PGBD5: variants seen among roughly 807,000 people sequenced by gnomAD.
The protein encoded by PGBD5 is piggyBac transposable element derived 5, also known as piggyBac transposable element-derived protein 5.
PGBD5 carries 14 observed loss-of-function variants against 47.9 expected under a neutral mutation model. That is an observed-to-expected ratio of 0.29 (90% CI 0.19 to 0.46). The LOEUF is 0.46. Ranked by LOEUF, PGBD5 falls within the 20% of genes least tolerant of loss-of-function variation. The probability of loss-of-function intolerance (pLI) is 1.00; values close to 1 mark genes in which losing one functional copy is unlikely to be tolerated. For synonymous variants in PGBD5, 316 were observed against 306.3 expected, an observed-to-expected ratio of 1.03 and a Z score of -0.33; for missense variants, 635 against 716.0, an observed-to-expected ratio of 0.89 and a Z score of 1.29.
intron 1 of PGBD5, among the ~76,000 whole-genome samples, chr1:230,373,586 G>T (rs1389927685): frequency 1.3e-5 from 2 of 152,168 alleles, no homozygotes; most frequent in African/African-American, 2.4e-5. Context: ...AACATATTTT[G>T]TGTTTGTAGA....
intron 4 of PGBD5, among the ~76,000 whole-genome samples, chr1:230,336,843 G>A (rs199536299): frequency 9.1e-6 from 1 of 110,162 alleles, no homozygotes; most frequent in South Asian, 3.2e-4. Flanking sequence ...ACACACAAAT[G>A]CCCCGAAGGC....
intron 1 of PGBD5, among the ~76,000 whole-genome samples, chr1:230,395,884 CCT>C (rs1295569624): frequency 1.6e-5 from 1 of 61,686 alleles, no homozygotes; most frequent in Non-Finnish European, 3.0e-5. Context: ...CATCCAAGTT[CCT>C]CTCTTACTCC....
chr1:230,376,598 C>A (rs192847644), intron 1 of PGBD5, among the ~76,000 whole-genome samples: 6 of 152,242 alleles, frequency 3.9e-5, no homozygotes, highest in Admixed American at 1.3e-4. Context: ...GCCCCCAGGG[C>A]AGTCACTGTC....
intron 3 of PGBD5, among the ~76,000 whole-genome samples, chr1:230,345,306 G>C (rs1328932845): frequency 6.6e-6 from 1 of 152,214 alleles, no homozygotes; most frequent in Non-Finnish European, 1.5e-5. Context: ...CAGGCTTCCA[G>C]GATGAGCAGC....
intron 5 of PGBD5, 25 bp from the exon 6 acceptor site, chr1:230,325,440 C>T (rs1667100984): frequency 6.4e-7 from 1 of 1,558,878 alleles, no homozygotes; most frequent in Non-Finnish European, 8.8e-7. Flanking sequence ...CAAGATAAGC[C>T]CCTTCCTCAG....
intron 1 of PGBD5, among the ~76,000 whole-genome samples, chr1:230,363,280 A>G (rs4846950): frequency 0.7 from 107,098 of 152,058 alleles, 38,142 homozygotes; most frequent in Non-Finnish European, 0.74. Context: ...TTGCCCCATC[A>G]GGAAGAAAAG....
intron 1 of PGBD5, among the ~76,000 whole-genome samples, chr1:230,390,434 G>C (rs905621687): frequency 1.3e-5 from 2 of 152,026 alleles, no homozygotes; most frequent in African/African-American, 4.8e-5. Context: ...CCCTCTTCTG[G>C]GGTGCATCCT....
chr1:230,406,257 G>A lies in PGBD5; in HGVS notation c.331+19341C>T, dbSNP rs529991971. On this transcript the variant is annotated intron_variant, in intron 1 of 6. Coordinates refer to ENST00000391860, the MANE Select transcript of PGBD5 (RefSeq NM_001258311.2). ...CAGGAGGCAGAGCTTGCAGTGAGCC[G>A]AGATCACGCCACTGCACTCCATCCA... Among the ~76,000 whole-genome samples the A allele has an allele frequency of 1.3e-3, 186 of 140,336 alleles. 1 individual carries two copies. The highest frequency in any genetic ancestry group is 4.8e-3 in the African/African-American group (178 of 37,318). The allele number at this position is 140,336 out of a possible 152,430, so 92.1% of individuals were successfully genotyped here.
intron 3 of PGBD5, among the ~76,000 whole-genome samples, chr1:230,340,244 C>G (rs146383230): frequency 6.6e-6 from 1 of 151,812 alleles, no homozygotes; most frequent in African/African-American, 2.4e-5. Context: ...TATAAAATAC[C>G]ATGTCCATTT....
At chr1:230,356,844 G>A (rs370183000) in intron 2 of PGBD5, 50 bp downstream of exon 2, 83 of 1,571,714 alleles carry the variant, frequency 5.3e-5, no homozygotes, top group Middle Eastern at 1.8e-4. Flanking sequence ...AGGCTAGGCC[G>A]AGAGAGCGAG....
At position 230,320,490 on chromosome 1, in the gene PGBD5, A is replaced by C. The variant is rs113005702; in HGVS notation, c.*2935T>G. On this transcript the variant is annotated 3_prime_UTR_variant, in exon 7 of 7. Coordinates refer to ENST00000391860, the MANE Select transcript of PGBD5 (RefSeq NM_001258311.2). The stretch of plus-strand genomic sequence containing the variant: ...TTTTTTTCCAGAGCCTGCAGCAGAG[A>C]CATCCCTCAGGGGATCGGCTTGGCT... The C allele has an allele frequency of 7.9e-5, 12 of 152,150 alleles. No individual in the cohort carries two copies. The highest frequency in any genetic ancestry group is 1.8e-4 in the Non-Finnish European group (12 of 68,040). 9.4% of individuals were successfully genotyped at this position (152,150 alleles called of 1,614,324 possible).
chr1:230,383,366 C>A (rs1656559982), intron 1 of PGBD5, among the ~76,000 whole-genome samples: 1 of 149,552 alleles, frequency 6.7e-6, no homozygotes, highest in Non-Finnish European at 1.5e-5. Context: ...CCATGCCCAG[C>A]ATTTTTTTTT....
chr1:230,415,627 C>A (rs1459816933), intron 1 of PGBD5, among the ~76,000 whole-genome samples: 1 of 152,178 alleles, frequency 6.6e-6, no homozygotes, highest in African/African-American at 2.4e-5. Context: ...TCTCTCTTCC[C>A]CCATGGGCAG....
chr1:230,316,781 T>C lies in PGBD5; in HGVS notation c.*6644A>G, dbSNP rs1364691879. On this transcript the variant is annotated 3_prime_UTR_variant, in exon 7 of 7. Transcript: ENST00000391860. Reference sequence around the variant, plus strand: ...AAGCAAGCATAAGACACTGTGGAAATGAAAGGAATAAACTTATTCATGTTT... The same window carrying C: ...AAGCAAGCATAAGACACTGTGGAAACGAAAGGAATAAACTTATTCATGTTT... 1 of 152,022 alleles carries C rather than the reference T, an allele frequency of 6.6e-6. No homozygotes were observed. The highest frequency in any genetic ancestry group is 1.5e-5 in the Non-Finnish European group (1 of 68,028). The allele number at this position is 152,022 out of a possible 1,614,324, so 9.4% of individuals were successfully genotyped here.
chr1:230,377,729 T>C (rs1668036277), intron 1 of PGBD5: 8 of 1,422,334 alleles, frequency 5.6e-6, no homozygotes, highest in East Asian at 5.2e-5. Flanking sequence ...CAAAGAGTCA[T>C]TGTGAGAATA....
intron 3 of PGBD5, among the ~76,000 whole-genome samples, chr1:230,346,325 G>A (rs1176802671): frequency 6.6e-6 from 1 of 152,188 alleles, no homozygotes; most frequent in African/African-American, 2.4e-5. Flanking sequence ...ACAGGTGTGA[G>A]CCACTGTGCT....
chr1:230,415,283 A>T (rs1160072816), intron 1 of PGBD5, among the ~76,000 whole-genome samples: 3 of 152,082 alleles, frequency 2.0e-5, no homozygotes. Context: ...TAAAAAAAAA[A>T]AAAAGTGCTC....
chr1:230,348,074 G>A (rs1667503118), intron 3 of PGBD5, among the ~76,000 whole-genome samples: 1 of 152,202 alleles, frequency 6.6e-6, no homozygotes, highest in African/African-American at 2.4e-5. Context: ...GAGCGGCACA[G>A]CACAATGGGA....
intron 3 of PGBD5, among the ~76,000 whole-genome samples, chr1:230,343,739 G>C (rs1002040327): frequency 2.0e-5 from 3 of 152,210 alleles, no homozygotes; most frequent in South Asian, 2.1e-4. Context: ...AATTCAATTA[G>C]TTATAGGTCA....
Sources: gnomAD v4.1 joint callset for allele counts (sites outside exome capture counted in the v4.1 genomes callset) on GRCh38, gnomAD v4.1.1 for gene constraint, MANE v1.5 for transcripts, NCBI Gene and HGNC (gene_info 2026-07-23, HGNC 2026-07-21) for gene names.